Variants in SASS6 observed in about 807,000 individuals in gnomAD.
The protein encoded by SASS6 is spindle assembly abnormal protein 6 homolog.
A neutral mutation model predicts 94.9 loss-of-function variants in SASS6; 59 were observed. That is an observed-to-expected ratio of 0.62 (90% confidence interval 0.50 to 0.77). SASS6 has a LOEUF of 0.77. Among genes scored for constraint, SASS6 ranks in the 30% least tolerant of loss-of-function variants. SASS6 has a pLI of 0.00. For missense variants in SASS6, 698 were observed against 734.1 expected (o/e 0.95, Z 0.57); for synonymous variants, 264 against 270.0 (o/e 0.98, Z 0.22).
rs936468482 is a variant in SASS6 at position 100,105,526 on chromosome 1, C to CAA, written c.1545+239_1545+240dup. On this transcript the variant is annotated intron_variant, in intron 13 of 16. Transcript: ENST00000287482. Reference sequence around the variant, plus strand: ...TGAGCGACAGAGCGAGACTCCATCTCAAAAAAAAAACAAAACAAAACAAAA... The same window carrying CAA: ...TGAGCGACAGAGCGAGACTCCATCTCAAAAAAAAAAAACAAAACAAAACAAAA... 4.9e-5 allele frequency among the ~76,000 whole-genome samples: 7 copies of CAA among 142,218 alleles called. No individual in the cohort carries two copies. The Admixed American group carries it at 5.0e-4, about 10-fold the overall frequency. 93.3% of individuals were successfully genotyped at this position (142,218 alleles called of 152,430 possible).
At position 100,103,069 on chromosome 1, in the gene SASS6, C is replaced by A; in HGVS notation, c.1560G>T (p.Leu520=). 2 of 1,597,910 alleles carry A rather than the reference C, an allele frequency of 1.3e-6. No homozygotes were observed. Among genetic ancestry groups the A allele is most frequent in the South Asian group, 2.2e-5 (2 of 90,156 alleles). The stretch of plus-strand genomic sequence containing the variant: ...AACCAATCCCACAGGTTGGGTAAGT[C>A]AGTCTACCATCAACCTAAAAATAAA... ...SPNLNVVDGR[L]TYPTCGIGYP... Residue 520 remains leucine (L), a synonymous_variant, in exon 14 of 17, where the codon CTG becomes CTT. Coordinates refer to ENST00000287482, the MANE Select transcript of SASS6 (RefSeq NM_194292.3).
intron 15 of SASS6, among the ~76,000 whole-genome samples, chr1:100,087,009 G>A (rs565194404): frequency 6.6e-6 from 1 of 152,186 alleles, no homozygotes; most frequent in South Asian, 2.1e-4. Context: ...TTGAGACAGA[G>A]TCTTGCTCTT....
chr1:100,112,292 G>C (rs1483240839), intron 7 of SASS6, among the ~76,000 whole-genome samples: 1 of 151,938 alleles, frequency 6.6e-6, no homozygotes. Context: ...ATATGAATGG[G>C]AAAACAAAAA....
At chr1:100,110,579 AT>A in intron 7 of SASS6, 96 bp from the exon 8 acceptor site, 1 of 601,106 alleles carries the variant, frequency 1.7e-6, no homozygotes, top group South Asian at 4.7e-5. Context: ...GTAATTTCTT[AT>A]TTTTTCTTTT....
chr1:100,103,119 AAATT>A (rs1652625293), intron 13 of SASS6, 36 bp from the exon 14 acceptor site: 1 of 1,383,188 alleles, frequency 7.2e-7, no homozygotes, highest in Non-Finnish European at 1.0e-6. Flanking sequence ...TAAAGATGAT[AAATT>A]AATTCTAAAT....
chr1:100,124,719 C>A (rs767466296), intron 2 of SASS6, among the ~76,000 whole-genome samples: 2 of 152,080 alleles, frequency 1.3e-5, no homozygotes, highest in Non-Finnish European at 2.9e-5. Context: ...CCAGTGGCCC[C>A]CAACCTTTTT....
chr1:100,130,169 A>C (rs1654897111), intron 1 of SASS6, among the ~76,000 whole-genome samples: 2 of 152,202 alleles, frequency 1.3e-5, no homozygotes, highest in African/African-American at 2.4e-5. Flanking sequence ...CTGAACTCCT[A>C]ATCTGTGCTA....
intron 1 of SASS6, among the ~76,000 whole-genome samples, chr1:100,127,951 T>C (rs1654740848): frequency 6.6e-6 from 1 of 152,246 alleles, no homozygotes; most frequent in Non-Finnish European, 1.5e-5. Flanking sequence ...AAGTTTTCTC[T>C]AGTATAAATG....
At chr1:100,122,175 T>G (rs192666120) in intron 4 of SASS6, among the ~76,000 whole-genome samples, 1 of 152,356 alleles carries the variant, frequency 6.6e-6, no homozygotes, top group East Asian at 1.9e-4. Flanking sequence ...CTTTAGTGCC[T>G]TTGTCAAGAC....
In SASS6 at chr1:100,107,646, T is replaced by C; in HGVS notation, c.1128A>G (p.Leu376=). The change falls in exon 10 of 17, where the codon TTA becomes TTG. Residue 376 remains leucine (L), a synonymous_variant. Transcript: ENST00000287482. ...LGKLEATIKS[L]SAELLKANEI... ...AACAAACCTTCAGAAGTTCTGCAGA[T>C]AATGATTTTATTGTAGCTTCAAGCT... The C allele has an allele frequency of 6.2e-7, 1 of 1,600,892 alleles. No homozygotes were observed. The highest frequency in any genetic ancestry group is 8.5e-7 in the Non-Finnish European group (1 of 1,173,392).
intron 11 of SASS6, 34 bp downstream of exon 11, chr1:100,107,340 T>C: frequency 7.3e-7 from 1 of 1,375,024 alleles, no homozygotes; most frequent in Non-Finnish European, 1.0e-6. Flanking sequence ...GGAAAAAATT[T>C]AGTTACAACA....
chr1:100,114,798 G>A (rs564975498), intron 7 of SASS6, among the ~76,000 whole-genome samples: 343 of 152,076 alleles, frequency 2.3e-3, no homozygotes, highest in African/African-American at 7.8e-3. Flanking sequence ...AAATCGCTAT[G>A]ACTATTTAAG....
intron 7 of SASS6, among the ~76,000 whole-genome samples, chr1:100,117,925 A>T (rs1477219098): frequency 6.6e-6 from 1 of 152,090 alleles, no homozygotes; most frequent in Non-Finnish European, 1.5e-5. Flanking sequence ...AAGAAATAAA[A>T]ATGATAAAAA....
chr1:100,089,164 C>T (rs80156826), intron 14 of SASS6, among the ~76,000 whole-genome samples: 7,434 of 152,074 alleles, frequency 0.049, 210 homozygotes, highest in African/African-American at 0.068. Context: ...GCAAATTATA[C>T]ACTGCAGTAA....
intron 7 of SASS6, among the ~76,000 whole-genome samples, chr1:100,114,423 C>T (rs1429318120): frequency 1.3e-5 from 2 of 151,778 alleles, no homozygotes; most frequent in Non-Finnish European, 2.9e-5. Context: ...GTGGTTCATG[C>T]CTGTAATCCC....
At chr1:100,087,517 T>C (rs1410498759) in intron 15 of SASS6, among the ~76,000 whole-genome samples, 1 of 152,216 alleles carries the variant, frequency 6.6e-6, no homozygotes, top group Non-Finnish European at 1.5e-5. Flanking sequence ...GAGAAAAGTT[T>C]GCCTGTATGA....
intron 14 of SASS6, among the ~76,000 whole-genome samples, chr1:100,093,462 G>A (rs1651895789): frequency 1.3e-5 from 2 of 152,182 alleles, no homozygotes; most frequent in South Asian, 4.1e-4. Context: ...TGTTCCATGT[G>A]TACTTGAAAA....
intron 7 of SASS6, among the ~76,000 whole-genome samples, chr1:100,116,583 A>G (rs77593501): frequency 0.064 from 9,699 of 152,272 alleles, 438 homozygotes; most frequent in Non-Finnish European, 0.095. Context: ...TAAGTACAAG[A>G]ATGTTAATAG....
Sources: gnomAD v4.1 joint callset for allele counts (sites outside exome capture counted in the v4.1 genomes callset) on GRCh38, gnomAD v4.1.1 for gene constraint, MANE v1.5 for transcripts, NCBI Gene and HGNC (gene_info 2026-07-23, HGNC 2026-07-21) for gene names.